FAT3: variants seen among roughly 807,000 people sequenced by gnomAD.
The protein encoded by FAT3 is protocadherin Fat 3.
In FAT3, 95 loss-of-function variants were observed where a neutral mutation model predicts 310.2. The observed-to-expected ratio is 0.31, with a 90% CI of 0.26 to 0.36. The LOEUF (loss-of-function observed/expected upper bound fraction) is 0.36, where lower values mean the gene tolerates loss of function less well. Ranked by LOEUF, FAT3 falls within the 10% of genes least tolerant of loss-of-function variation. The pLI is 1.00. For missense variants in FAT3, 5,408 were observed against 5,715.6 expected, an observed-to-expected ratio of 0.95 and a Z score of 1.74; for synonymous variants, 2,314 against 2,192.9, an observed-to-expected ratio of 1.06 and a Z score of -1.54.
intron 1 of FAT3, among the ~76,000 whole-genome samples, chr11:92,230,617 T>A (rs1389943011): frequency 1.3e-5 from 2 of 152,198 alleles, no homozygotes; most frequent in Non-Finnish European, 2.9e-5. Context: ...TTTAAAAAAA[T>A]TATTTTAAAG....
At chr11:92,830,129 T>C (rs1591789491) in intron 13 of FAT3, among the ~76,000 whole-genome samples, 1 of 152,244 alleles carries the variant, frequency 6.6e-6, no homozygotes, top group Non-Finnish European at 1.5e-5. Flanking sequence ...TAAGGGTATT[T>C]AGGATCAGAA....
chr11:92,818,057 G>T (rs914046537), intron 13 of FAT3, among the ~76,000 whole-genome samples: 2 of 152,096 alleles, frequency 1.3e-5, no homozygotes, highest in Non-Finnish European at 2.9e-5. Flanking sequence ...CAATCTGTAA[G>T]AATCAAAAAT....
intron 3 of FAT3, among the ~76,000 whole-genome samples, chr11:92,534,310 G>A (rs1317439471): frequency 6.6e-6 from 1 of 152,156 alleles, no homozygotes; most frequent in Non-Finnish European, 1.5e-5. Flanking sequence ...TGGGCTCTGG[G>A]CACAAAAGTG....
intron 2 of FAT3, among the ~76,000 whole-genome samples, chr11:92,491,661 G>C (rs925408675): frequency 3.3e-5 from 5 of 152,078 alleles, no homozygotes; most frequent in Non-Finnish European, 7.4e-5. Flanking sequence ...GATGACATTA[G>C]AGCAATGTGT....
intron 1 of FAT3, among the ~76,000 whole-genome samples, chr11:92,321,412 G>A (rs1947614593): frequency 6.6e-6 from 1 of 150,736 alleles, no homozygotes; most frequent in South Asian, 2.1e-4. Context: ...ACTCCAGCCT[G>A]AGCAACAGGG....
chr11:92,684,997 G>A lies in FAT3; in HGVS notation c.3608-12387G>A, dbSNP rs550955340. Among the ~76,000 whole-genome samples the A allele has an allele frequency of 4.6e-5, 7 of 152,280 alleles. No homozygotes were observed. The South Asian group carries it at 6.2e-4, about 14-fold the overall frequency. ...GCCAGGGAGTGTGATCCTACAGGGCGCTTTGTCTTATCCTCCATCTTGATA... is the reference window on the plus strand; with the variant it reads ...GCCAGGGAGTGTGATCCTACAGGGCACTTTGTCTTATCCTCCATCTTGATA... On this transcript the variant is annotated intron_variant, in intron 3 of 27. Coordinates refer to ENST00000525166, the MANE Select transcript of FAT3 (RefSeq NM_001367949.2).
At chr11:92,296,827 A>G (rs1946863060) in intron 1 of FAT3, among the ~76,000 whole-genome samples, 1 of 152,060 alleles carries the variant, frequency 6.6e-6, no homozygotes, top group South Asian at 2.1e-4. Context: ...TTGCTCTAGC[A>G]TTCCCCAGGC....
chr11:92,242,194 A>G (rs1023850823), intron 1 of FAT3, among the ~76,000 whole-genome samples: 1 of 152,086 alleles, frequency 6.6e-6, no homozygotes, highest in Admixed American at 6.6e-5. Context: ...ATCCTGGATT[A>G]AGGTATCGAA....
chr11:92,503,380 C>G (rs554120121), intron 2 of FAT3, among the ~76,000 whole-genome samples: 1 of 152,170 alleles, frequency 6.6e-6, no homozygotes, highest in South Asian at 2.1e-4. Context: ...CTGTGCTAAG[C>G]AGTTTACATA....
intron 3 of FAT3, among the ~76,000 whole-genome samples, chr11:92,605,691 C>T (rs1456123001): frequency 1.3e-5 from 2 of 149,330 alleles, no homozygotes. Flanking sequence ...CAAAATTAAA[C>T]CTCAAGATAA....
intron 2 of FAT3, among the ~76,000 whole-genome samples, chr11:92,357,543 C>G (rs761844604): frequency 6.6e-6 from 1 of 152,012 alleles, no homozygotes; most frequent in African/African-American, 2.4e-5. Context: ...CTTTATAGCC[C>G]CATTGTTTAT....
At chr11:92,748,706 C>T (rs1945743187) in intron 4 of FAT3, 1 of 152,166 alleles carries the variant, frequency 6.6e-6, no homozygotes, top group Non-Finnish European at 1.5e-5. Context: ...ACCTATCCAT[C>T]TCTGGTTTAT....
chr11:92,314,341 A>T, intron 1 of FAT3: 1 of 953,752 alleles, frequency 1.0e-6, no homozygotes, highest in Non-Finnish European at 1.2e-6. Context: ...TACAAATTTG[A>T]TAATTTTTAC....
intron 2 of FAT3, among the ~76,000 whole-genome samples, chr11:92,453,093 A>G (rs912756981): frequency 6.6e-6 from 1 of 152,000 alleles, no homozygotes; most frequent in Non-Finnish European, 1.5e-5. Context: ...TGTTTTAATT[A>G]CTGATTTTCA....
intron 3 of FAT3, among the ~76,000 whole-genome samples, chr11:92,623,440 G>T (rs576206891): frequency 6.6e-6 from 1 of 152,112 alleles, no homozygotes; most frequent in Non-Finnish European, 1.5e-5. Context: ...TTGAGGAACT[G>T]GTCTTAAATC....
At chr11:92,779,961 G>T (rs372566673) in intron 7 of FAT3, among the ~76,000 whole-genome samples, 35 of 152,160 alleles carry the variant, frequency 2.3e-4, no homozygotes, top group African/African-American at 8.2e-4. Context: ...CAGCCAGCAG[G>T]GAAACCAGGG....
At chr11:92,329,354 G>A (rs954149545) in intron 1 of FAT3, among the ~76,000 whole-genome samples, 1 of 151,702 alleles carries the variant, frequency 6.6e-6, no homozygotes, top group African/African-American at 2.4e-5. Flanking sequence ...AAAGAGCCTG[G>A]CATCTCCCCT....
intron 2 of FAT3, among the ~76,000 whole-genome samples, chr11:92,373,160 C>T (rs1949240734): frequency 6.6e-6 from 1 of 152,110 alleles, no homozygotes; most frequent in Non-Finnish European, 1.5e-5. Flanking sequence ...TCTTTACTTC[C>T]TCTACCTTCT....
intron 1 of FAT3, among the ~76,000 whole-genome samples, chr11:92,309,424 C>T (rs12802698): frequency 1.3e-5 from 2 of 150,270 alleles, no homozygotes; most frequent in South Asian, 4.2e-4. Flanking sequence ...ACACACTTTT[C>T]TCCTAAGAGG....
Sources: allele counts gnomAD v4.1 joint callset (sites outside exome capture counted in the v4.1 genomes callset), GRCh38; gene constraint gnomAD v4.1.1; transcripts MANE v1.5; gene names NCBI Gene and HGNC (gene_info 2026-07-23, HGNC 2026-07-21).